AOPEP: variants seen among roughly 807,000 people sequenced by gnomAD.
AOPEP encodes aminopeptidase O.
In AOPEP, 77 loss-of-function variants were observed where a neutral mutation model predicts 98.1. The observed-to-expected ratio is 0.78, with a 90% CI of 0.65 to 0.95. The LOEUF is 0.95. AOPEP is among the 40% of genes least tolerant of loss of function. The pLI, the probability that AOPEP is intolerant of heterozygous loss-of-function variation, is 0.00. For missense variants in AOPEP, 1,024 were observed against 1,024.7 expected (o/e 1.00, Z 0.01); for synonymous variants, 346 against 365.3 (o/e 0.95, Z 0.60).
chr9:94,840,285 T>G (rs1333200496), intron 5 of AOPEP, among the ~76,000 whole-genome samples: 2 of 152,228 alleles, frequency 1.3e-5, no homozygotes, highest in African/African-American at 2.4e-5. Context: ...GCTGTCAATA[T>G]GTTGGATTAC....
In AOPEP at chr9:94,899,179, C is replaced by CTTTTTTT. The variant is rs1164742981; in HGVS notation, c.1365-24790_1365-24784dup. Among the ~76,000 whole-genome samples the CTTTTTTT allele has an allele frequency of 1.2e-3, 71 of 59,736 alleles. 2 individuals are homozygous for CTTTTTTT. The highest frequency in any genetic ancestry group is 2.3e-3 in the East Asian group (4 of 1,770). 39.2% of individuals were successfully genotyped at this position (59,736 alleles called of 152,430 possible). A position where few individuals can be genotyped will look rare whatever the true frequency, so the allele number is the denominator to read the frequency against. On this transcript the variant is annotated intron_variant, in intron 5 of 16. Transcript: ENST00000375315. ...GGAAGATAATTTGCCTCTTCATTTG[C>CTTTTTTT]TTTTTTTTTTTTTTTTTTTTTTTGA...
chr9:94,796,006 C>A (rs540390498), intron 4 of AOPEP, among the ~76,000 whole-genome samples: 1 of 152,190 alleles, frequency 6.6e-6, no homozygotes, highest in South Asian at 2.1e-4. Context: ...ACCCAGTTAC[C>A]AGCCCAGCTG....
intron 7 of AOPEP, among the ~76,000 whole-genome samples, chr9:94,954,485 G>A (rs147743930): frequency 1.4e-4 from 21 of 152,274 alleles, no homozygotes; most frequent in African/African-American, 4.8e-4. Flanking sequence ...AAAAAATCTC[G>A]TAATGTTTTA....
intron 13 of AOPEP, chr9:95,049,056 G>A (rs569604047): frequency 6.6e-6 from 1 of 152,350 alleles, no homozygotes; most frequent in South Asian, 2.1e-4. Flanking sequence ...GGAGCAGCCT[G>A]TGAGTTTTCA....
rs570891860 is a variant in AOPEP at position 94,890,749 on chromosome 9, T to A, written c.1365-33237T>A. 1.7e-4 allele frequency among the ~76,000 whole-genome samples: 26 copies of A among 152,356 alleles called. 1 individual carries two copies. In the South Asian group the frequency reaches 5.2e-3, roughly 30 times the overall value. On this transcript the variant is annotated intron_variant, in intron 5 of 16. Coordinates refer to ENST00000375315, the MANE Select transcript of AOPEP (RefSeq NM_001193329.3). ...GCATTATTATGTGTTATTGTTTAAT[T>A]TCCAAGTGTTTGGAGATTTTCTATT...
At chr9:95,033,397 C>T (rs1234619396) in intron 13 of AOPEP, among the ~76,000 whole-genome samples, 3 of 152,116 alleles carry the variant, frequency 2.0e-5, no homozygotes, top group Non-Finnish European at 2.9e-5. Flanking sequence ...GTTTCCCTCT[C>T]CTCCCTCCCT....
intron 1 of AOPEP, among the ~76,000 whole-genome samples, chr9:94,755,366 T>C (rs1017068268): frequency 4.6e-5 from 7 of 152,216 alleles, no homozygotes; most frequent in African/African-American, 1.7e-4. Context: ...GTTCAGTTTT[T>C]CCCTAAATGT....
At chr9:94,852,359 C>A (rs4744386) in intron 5 of AOPEP, among the ~76,000 whole-genome samples, 1 of 151,964 alleles carries the variant, frequency 6.6e-6, no homozygotes, top group African/African-American at 2.4e-5. Flanking sequence ...GGATTCAACC[C>A]TAGTTCAATG....
At chr9:94,926,384 C>G (rs1251736475) in intron 6 of AOPEP, among the ~76,000 whole-genome samples, 1 of 152,168 alleles carries the variant, frequency 6.6e-6, no homozygotes, top group East Asian at 1.9e-4. Context: ...CTGAGCTTGC[C>G]CTGTTGCTCT....
At chr9:95,126,571 G>C in the AOPEP span, 1 of 1,614,008 alleles carries the variant, frequency 6.2e-7, no homozygotes, top group South Asian at 1.1e-5. Context: ...AGGGTGGCAG[G>C]CTGCTTGAGG....
chr9:94,821,055 G>A (rs1332550594), intron 5 of AOPEP, among the ~76,000 whole-genome samples: 1 of 152,166 alleles, frequency 6.6e-6, no homozygotes, highest in Non-Finnish European at 1.5e-5. Flanking sequence ...AACTTTGGAA[G>A]TTTAAAGAGA....
intron 2 of AOPEP, among the ~76,000 whole-genome samples, chr9:94,769,368 G>A (rs1308184406): frequency 6.6e-6 from 1 of 152,150 alleles, no homozygotes; most frequent in Non-Finnish European, 1.5e-5. Flanking sequence ...ACTCCCTAGC[G>A]CTTGGTTTGG....
chr9:95,050,705 C>T (rs938647984), intron 13 of AOPEP, among the ~76,000 whole-genome samples: 2 of 152,132 alleles, frequency 1.3e-5, no homozygotes, highest in Admixed American at 6.5e-5. Flanking sequence ...GCAGAAACCA[C>T]CTGACAAATT....
rs1319774853 is a variant in AOPEP, at chr9:94,876,266, A to C, written c.1365-47720A>C. Among the ~76,000 whole-genome samples the C allele has an allele frequency of 2.0e-5, 3 of 152,226 alleles. No homozygotes were observed. The East Asian group carries it at 5.8e-4, about 29-fold the overall frequency. ...TACCTAGAATATATTTAAAGATGAC[A>C]AAACCTTGGAAAACCCAAGCTTGCC... is the stretch of plus-strand genomic sequence containing the variant. On this transcript the variant is annotated intron_variant, in intron 5 of 16. Coordinates refer to ENST00000375315, the MANE Select transcript of AOPEP (RefSeq NM_001193329.3).
In AOPEP at chr9:94,759,771, A is replaced by C. The variant is rs1163108558; in HGVS notation, c.-13A>C. 2.9e-5 allele frequency: 46 copies of C among 1,602,228 alleles called. No individual in the cohort carries two copies. Among genetic ancestry groups the C allele is most frequent in the Non-Finnish European group, 3.5e-5 (41 of 1,174,708 alleles). On this transcript the variant is annotated 5_prime_UTR_variant, in exon 2 of 17. Transcript: ENST00000375315. ...TGAGATTTTAATAAATCCCTCAAAC[A>C]ATAAACCACATCATGGACATACAGC...
the AOPEP span, among the ~76,000 whole-genome samples, chr9:95,147,384 T>G: frequency 6.6e-6 from 1 of 152,026 alleles, no homozygotes; most frequent in Non-Finnish European, 1.5e-5. Flanking sequence ...GGCGTGATGG[T>G]GCATGCCTGT....
intron 7 of AOPEP, among the ~76,000 whole-genome samples, chr9:94,948,177 C>G (rs987833021): frequency 6.6e-6 from 1 of 152,180 alleles, no homozygotes; most frequent in African/African-American, 2.4e-5. Context: ...AACTATAGCT[C>G]ATAGGCAAAT....
At chr9:94,909,872 T>A (rs929749430) in intron 5 of AOPEP, among the ~76,000 whole-genome samples, 4 of 152,132 alleles carry the variant, frequency 2.6e-5, no homozygotes, top group African/African-American at 9.7e-5. Flanking sequence ...ACCCCATGGA[T>A]GAAGGCTGCA....
intron 5 of AOPEP, among the ~76,000 whole-genome samples, chr9:94,867,480 G>A (rs532536009): frequency 6.6e-6 from 1 of 152,226 alleles, no homozygotes; most frequent in East Asian, 1.9e-4. Flanking sequence ...ATTCACAGAG[G>A]GAAAGAAAAT....
Sources: allele counts gnomAD v4.1 joint callset (sites outside exome capture counted in the v4.1 genomes callset), GRCh38; gene constraint gnomAD v4.1.1; transcripts MANE v1.5; gene names NCBI Gene and HGNC (gene_info 2026-07-23, HGNC 2026-07-21).